The following RBFOX1 variants were observed in gnomAD, a reference collection of about 807,000 sequenced individuals.
RBFOX1 encodes the protein RNA binding protein fox-1 homolog 1.
RBFOX1 carries 8 observed loss-of-function variants against 57.7 expected under a neutral mutation model. That is an observed-to-expected ratio of 0.14 (90% confidence interval 0.08 to 0.25). The LOEUF (loss-of-function observed/expected upper bound fraction) is 0.25. Among genes scored for constraint, RBFOX1 ranks in the 10% least tolerant of loss-of-function variants. RBFOX1 has a pLI of 1.00. For missense variants in RBFOX1, 611 were observed against 548.5 expected, an observed-to-expected ratio of 1.11 and a Z score of -1.14; for synonymous variants, 326 against 222.4, an observed-to-expected ratio of 1.47 and a Z score of -4.15.
At chr16:7,176,483 A>G (rs906590381) in intron 4 of RBFOX1, among the ~76,000 whole-genome samples, 3 of 152,084 alleles carry the variant, frequency 2.0e-5, no homozygotes, top group Non-Finnish European at 2.9e-5. Context: ...TCAGTAAACT[A>G]TACCTCTCGG....
chr16:6,274,295 C>T (rs2075554567), intron 1 of RBFOX1, among the ~76,000 whole-genome samples: 2 of 152,122 alleles, frequency 1.3e-5, no homozygotes, highest in Admixed American at 1.3e-4. Flanking sequence ...CTGGGAACAG[C>T]CTACATATAT....
At chr16:7,215,722 T>A (rs1321139386) in intron 4 of RBFOX1, among the ~76,000 whole-genome samples, 1 of 122,936 alleles carries the variant, frequency 8.1e-6, no homozygotes, top group Non-Finnish European at 1.6e-5. Flanking sequence ...TGGCCTATTC[T>A]GGATTTTTTT....
At chr16:6,374,706 A>T (rs892171050) in intron 2 of RBFOX1, among the ~76,000 whole-genome samples, 9 of 152,218 alleles carry the variant, frequency 5.9e-5, no homozygotes, top group African/African-American at 2.2e-4. Flanking sequence ...AGCTATAAGA[A>T]CGAAGAGACT....
chr16:6,938,655 A>C (rs1176616737), intron 3 of RBFOX1, among the ~76,000 whole-genome samples: 1 of 152,136 alleles, frequency 6.6e-6, no homozygotes, highest in African/African-American at 2.4e-5. Flanking sequence ...AAGGGCAGAA[A>C]ATTGTATTTT....
intron 2 of RBFOX1, among the ~76,000 whole-genome samples, chr16:6,407,987 C>T (rs941464115): frequency 1.3e-5 from 2 of 152,082 alleles, no homozygotes; most frequent in Non-Finnish European, 2.9e-5. Flanking sequence ...GGGTAGACCT[C>T]TCAGTAATGG....
At chr16:6,465,241 A>G (rs376751841) in intron 2 of RBFOX1, among the ~76,000 whole-genome samples, 1 of 152,314 alleles carries the variant, frequency 6.6e-6, no homozygotes, top group South Asian at 2.1e-4. Flanking sequence ...TTGGAAAAAG[A>G]AAGTGGTGGA....
intron 2 of RBFOX1, among the ~76,000 whole-genome samples, chr16:6,433,846 C>CTTTTT (rs201617630): frequency 7.9e-6 from 1 of 127,176 alleles, no homozygotes; most frequent in Non-Finnish European, 1.6e-5. Context: ...TTTCATTTTT[C>CTTTTT]TTTTTTTTTT....
At chr16:5,708,690 T>C (rs190422415) in intron 3 of RBFOX1, among the ~76,000 whole-genome samples, 4 of 152,280 alleles carry the variant, frequency 2.6e-5, no homozygotes, top group African/African-American at 7.2e-5. Flanking sequence ...CCACCTACCA[T>C]TGGTTGTTCC....
intron 2 of RBFOX1, among the ~76,000 whole-genome samples, chr16:6,332,034 C>A (rs1255492733): frequency 6.6e-6 from 1 of 152,142 alleles, no homozygotes; most frequent in African/African-American, 2.4e-5. Flanking sequence ...ATAGGGCTGT[C>A]TCAGCGGTTT....
chr16:7,332,856 C>T, intron 4 of RBFOX1: 1 of 1,466,446 alleles, frequency 6.8e-7, no homozygotes, highest in Admixed American at 2.3e-5. Context: ...TTTCTTTCCT[C>T]TCCCGGCGTT....
chr16:7,641,279 G>A (rs1017309745), intron 11 of RBFOX1, among the ~76,000 whole-genome samples: 1 of 152,168 alleles, frequency 6.6e-6, no homozygotes, highest in Admixed American at 6.5e-5. Flanking sequence ...AAGACCATGA[G>A]GAGCAGCTCA....
intron 2 of RBFOX1, among the ~76,000 whole-genome samples, chr16:6,574,542 C>A (rs374996065): frequency 6.7e-6 from 1 of 148,736 alleles, no homozygotes; most frequent in Non-Finnish European, 1.5e-5. Flanking sequence ...CATTCTCCTG[C>A]CTCAGCCTCC....
chr16:7,707,816 T>C (rs1480259576), intron 14 of RBFOX1, among the ~76,000 whole-genome samples: 1 of 151,980 alleles, frequency 6.6e-6, no homozygotes, highest in Non-Finnish European at 1.5e-5. Context: ...AGACGTTGCG[T>C]TTTTTTTCCC....
chr16:6,192,991 C>G (rs1185952851), intron 1 of RBFOX1, among the ~76,000 whole-genome samples: 1 of 152,130 alleles, frequency 6.6e-6, no homozygotes, highest in Admixed American at 6.5e-5. Context: ...GAAAAAGTCC[C>G]ATTCATCTGA....
At chr16:6,285,135 G>A (rs980526935) in intron 1 of RBFOX1, among the ~76,000 whole-genome samples, 6 of 152,088 alleles carry the variant, frequency 3.9e-5, no homozygotes, top group African/African-American at 1.4e-4. Context: ...TAAAAATAAT[G>A]GCTAAAAGTA....
intron 4 of RBFOX1, among the ~76,000 whole-genome samples, chr16:7,134,648 G>T (rs1381512127): frequency 6.6e-6 from 1 of 152,142 alleles, no homozygotes; most frequent in African/African-American, 2.4e-5. Context: ...TTGAAGAAAA[G>T]AATTCCGTCA....
intron 2 of RBFOX1, among the ~76,000 whole-genome samples, chr16:6,569,060 G>C (rs2097307484): frequency 6.6e-6 from 1 of 152,122 alleles, no homozygotes; most frequent in Admixed American, 6.5e-5. Context: ...GATAGCTCTT[G>C]GATAATATGC....
intron 2 of RBFOX1, among the ~76,000 whole-genome samples, chr16:6,610,335 T>A (rs929308463): frequency 6.6e-6 from 1 of 152,142 alleles, no homozygotes; most frequent in Non-Finnish European, 1.5e-5. Flanking sequence ...ACATTCTTAT[T>A]TTTTTAGAGG....
At chr16:6,141,419 C>T (rs1597714540) in intron 1 of RBFOX1, among the ~76,000 whole-genome samples, 5 of 152,234 alleles carry the variant, frequency 3.3e-5, no homozygotes, top group Admixed American at 3.3e-4. Flanking sequence ...TTGTCTCCTC[C>T]CCCTGGGTTA....
Sources: allele counts gnomAD v4.1 joint callset (sites outside exome capture counted in the v4.1 genomes callset), GRCh38; gene constraint gnomAD v4.1.1; transcripts MANE v1.5; gene names NCBI Gene and HGNC (gene_info 2026-07-23, HGNC 2026-07-21).